IPO5: variants seen among roughly 807,000 people sequenced by gnomAD.
IPO5 encodes importin-5.
In IPO5, 18 loss-of-function variants were observed where a neutral mutation model predicts 143.3. That is an observed-to-expected ratio of 0.13 (90% CI 0.09 to 0.19). IPO5 has a LOEUF of 0.19. IPO5 is among the 10% of genes least tolerant of loss of function. The pLI, the probability that IPO5 is intolerant of heterozygous loss-of-function variation, is 1.00. For synonymous variants in IPO5, 477 were observed against 465.7 expected (o/e 1.02, Z -0.31); for missense variants, 1,013 against 1,336.9 (o/e 0.76, Z 3.78).
intron 2 of IPO5, among the ~76,000 whole-genome samples, chr13:97,956,986 C>T (rs1334887722): frequency 6.6e-6 from 1 of 152,154 alleles, no homozygotes; most frequent in Non-Finnish European, 1.5e-5. Context: ...CACATGGGTC[C>T]AATATCGCTG....
intron 24 of IPO5, 136 bp downstream of exon 24, chr13:98,015,917 CCT>C: frequency 1.7e-6 from 1 of 596,574 alleles, no homozygotes; most frequent in Non-Finnish European, 3.0e-6. Flanking sequence ...AGATATATTT[CCT>C]CTCTTAATTT....
intron 16 of IPO5, among the ~76,000 whole-genome samples, chr13:98,003,351 T>C (rs1888956020): frequency 6.6e-6 from 1 of 152,154 alleles, no homozygotes; most frequent in African/African-American, 2.4e-5. Flanking sequence ...CATTCTGTGT[T>C]CTTAAATGCT....
intron 25 of IPO5, among the ~76,000 whole-genome samples, chr13:98,017,909 C>T (rs560217167): frequency 9.9e-5 from 15 of 152,166 alleles, no homozygotes; most frequent in East Asian, 3.9e-4. Context: ...CCTTGTGATC[C>T]GCCCACTTTG....
chr13:97,967,411 C>T (rs905936506), intron 2 of IPO5, among the ~76,000 whole-genome samples: 14 of 151,628 alleles, frequency 9.2e-5, no homozygotes, highest in African/African-American at 3.4e-4. Context: ...TCTTCTTTCT[C>T]TTTTTCTTCC....
chr13:98,023,486 A>G lies in IPO5; in HGVS notation c.*1664A>G, dbSNP rs1482541106. 1 of 152,096 alleles carries G rather than the reference A, an allele frequency of 6.6e-6. No homozygotes were observed. Among genetic ancestry groups the G allele is most frequent in the Non-Finnish European group, 1.5e-5 (1 of 68,026 alleles). 9.4% of individuals were successfully genotyped at this position (152,096 alleles called of 1,614,324 possible). A position where few individuals can be genotyped will look rare whatever the true frequency, so the allele number is the denominator to read the frequency against. On this transcript the variant is annotated 3_prime_UTR_variant, in exon 29 of 29. Transcript: ENST00000651721. ...TTTTTTTAATTTAAATTATTACTAC[A>G]CTTTATTACTACACTTGCAGAAAAG...
intron 9 of IPO5, among the ~76,000 whole-genome samples, chr13:97,991,284 T>A (rs1042450422): frequency 6.6e-6 from 1 of 152,208 alleles, no homozygotes; most frequent in Non-Finnish European, 1.5e-5. Context: ...AATGGCTTGC[T>A]TCTCCTTATG....
intron 18 of IPO5, 65 bp downstream of exon 18, chr13:98,008,207 T>TA: frequency 1.1e-6 from 1 of 939,538 alleles, no homozygotes. Context: ...TGGTTCAATA[T>TA]ATTTAAAACA....
At chr13:97,994,000 A>G (rs1888017928) in intron 11 of IPO5, among the ~76,000 whole-genome samples, 1 of 152,240 alleles carries the variant, frequency 6.6e-6, no homozygotes, top group African/African-American at 2.4e-5. Context: ...AGAGATAAAA[A>G]TAAGTTATAA....
chr13:97,997,486 A>C (rs568379), intron 11 of IPO5, 45 bp from the exon 12 acceptor site: 65,771 of 1,061,260 alleles, frequency 0.062, 3,909 homozygotes, highest in East Asian at 0.29. Context: ...GATATGGATA[A>C]GATAAAGTCA....
chr13:97,985,938 C>A (rs533404756), intron 6 of IPO5, among the ~76,000 whole-genome samples: 1 of 152,132 alleles, frequency 6.6e-6, no homozygotes, highest in East Asian at 1.9e-4. Context: ...ACCTGGGCAA[C>A]ATGGCAAAAC....
intron 2 of IPO5, among the ~76,000 whole-genome samples, chr13:97,966,575 G>A (rs946194338): frequency 6.6e-6 from 1 of 151,466 alleles, no homozygotes; most frequent in Admixed American, 6.6e-5. Context: ...AGTTTTTTTT[G>A]TTTTTGGCAG....
chr13:97,964,217 T>C (rs550995800), intron 2 of IPO5, among the ~76,000 whole-genome samples: 2 of 152,258 alleles, frequency 1.3e-5, no homozygotes, highest in South Asian at 2.1e-4. Context: ...ATTTGTCAAT[T>C]TTGGCTTTTG....
At chr13:97,981,470 G>C (rs753037523) in intron 4 of IPO5, 1 of 293,438 alleles carries the variant, frequency 3.4e-6, no homozygotes, top group Non-Finnish European at 6.6e-6. Flanking sequence ...GGGGCACTTA[G>C]TAAAAGGTTT....
intron 4 of IPO5, among the ~76,000 whole-genome samples, chr13:97,979,659 A>G (rs1235570122): frequency 6.6e-6 from 1 of 152,218 alleles, no homozygotes; most frequent in Admixed American, 6.5e-5. Context: ...AAGGTTCTCC[A>G]TACAGAATTT....
In IPO5 at chr13:97,976,771, C is replaced by A; in HGVS notation, c.75C>A (p.Val25=). 1 of 1,399,918 alleles carries A rather than the reference C, an allele frequency of 7.1e-7. No individual in the cohort carries two copies. The highest frequency in any genetic ancestry group is 9.5e-7 in the Non-Finnish European group (1 of 1,049,354). 86.7% of individuals were successfully genotyped at this position (1,399,918 alleles called of 1,614,324 possible). ...ACCTGCTCAGCCCCGACAATGTGGT[C>A]CGGAAACAGGCAGAGGTAACCGAGT... ...LGNLLSPDNV[V]RKQAEETYEN... The change falls in exon 4 of 29, where the codon GTC becomes GTA. Residue 25 remains valine (V), a synonymous_variant. Coordinates refer to ENST00000651721, the MANE Select transcript of IPO5 (RefSeq NM_002271.6).
chr13:98,002,690 A>C lies in IPO5; in HGVS notation c.1240A>C (p.Arg414=). Residue 414 remains arginine (R), a synonymous_variant, in exon 15 of 29, where the codon AGA becomes CGA. Coordinates refer to ENST00000651721, the MANE Select transcript of IPO5 (RefSeq NM_002271.6). Reference sequence around the variant, plus strand: ...GAAAGGGAACATTTTCCAGCATCCAAGAGTAAGGTATGCAGCCTGTAATGC... The same window carrying C: ...GAAAGGGAACATTTTCCAGCATCCACGAGTAAGGTATGCAGCCTGTAATGC... ...VLLFLQDPHP[R]VRYAACNAVG... 6.2e-7 allele frequency: 1 copy of C among 1,610,272 alleles called. No individual in the cohort carries two copies. The highest frequency in any genetic ancestry group is 1.1e-5 in the South Asian group (1 of 90,660).
chr13:97,994,642 A>G (rs1594085800), intron 11 of IPO5, among the ~76,000 whole-genome samples: 1 of 152,212 alleles, frequency 6.6e-6, no homozygotes, highest in Admixed American at 6.5e-5. Flanking sequence ...TTCTTCTGAA[A>G]GAACATAGGG....
chr13:97,968,002 G>C (rs948740356), intron 2 of IPO5, among the ~76,000 whole-genome samples: 2 of 152,028 alleles, frequency 1.3e-5, no homozygotes, highest in African/African-American at 4.8e-5. Flanking sequence ...CTGTCACCCA[G>C]GTTGGAATGC....
rs144895554 is a variant in IPO5 at position 98,014,072 on chromosome 13, C to A, written c.2183C>A (p.Pro728His). The change falls in exon 22 of 29, where the codon CCT becomes CAT. Residue 728 changes from proline (P) to histidine (H), a missense_variant. This residue lies in a region of IPO5 where 685 missense variants were observed against 994.9 expected (regional missense o/e 0.69). Coordinates refer to ENST00000651721, the MANE Select transcript of IPO5 (RefSeq NM_002271.6). ...CGAGTGGCAGCAGCGGAATCCATGCCTCTTCTCCTGGAGTGTGCAAGAGTC... is the reference window on the plus strand; with the variant it reads ...CGAGTGGCAGCAGCGGAATCCATGCATCTTCTCCTGGAGTGTGCAAGAGTC... Reference protein sequence around the residue: ...GVRVAAAESMPLLLECARVRG... With the variant: ...GVRVAAAESMHLLLECARVRG... 1.9e-6 allele frequency: 3 copies of A among 1,610,628 alleles called. No individual in the cohort carries two copies. The Admixed American group carries it at 5.1e-5, about 27-fold the overall frequency.
Sources: allele counts gnomAD v4.1 joint callset (sites outside exome capture counted in the v4.1 genomes callset), GRCh38; gene constraint gnomAD v4.1.1; regional missense constraint gnomAD v4.1.1; transcripts MANE v1.5; gene names NCBI Gene and HGNC (gene_info 2026-07-23, HGNC 2026-07-21).